The following GALNT18 variants were observed in gnomAD, a reference collection of about 807,000 sequenced individuals.
The protein encoded by GALNT18 is GalNAc-transferase 18.
Under a neutral mutation model 69.5 loss-of-function variants are expected in GALNT18, and 44 were observed. That is an observed-to-expected ratio of 0.63 (90% CI 0.50 to 0.81). The LOEUF is 0.81. GALNT18 is among the 40% of genes least tolerant of loss of function. The pLI, the probability that GALNT18 is intolerant of heterozygous loss-of-function variation, is 0.00. For synonymous variants in GALNT18, 364 were observed against 318.2 expected (o/e 1.14, Z -1.53); for missense variants, 715 against 810.0 (o/e 0.88, Z 1.42).
At chr11:11,272,212 C>T (rs1481780705) in intron 10 of GALNT18, among the ~76,000 whole-genome samples, 2 of 152,184 alleles carry the variant, frequency 1.3e-5, no homozygotes, top group African/African-American at 4.8e-5. Context: ...GTGTGAGAAA[C>T]ATGGACATTT....
At position 11,377,457 on chromosome 11, in the gene GALNT18, C is replaced by G. The variant is rs1290455071; in HGVS notation, c.780-78G>C. On this transcript the variant is annotated intron_variant, in intron 4 of 10. Transcript: ENST00000227756. The surrounding 1 kb of genome is among the most constrained non-coding windows in gnomAD (Gnocchi z 4.6). The stretch of plus-strand genomic sequence containing the variant: ...TCCAGAGTAGCATCTCCTGAAGGTC[C>G]TTCCCCAGCAGAAAGAGGAAGGAAG... 9 of 1,308,954 alleles carry G rather than the reference C, an allele frequency of 6.9e-6. No individual in the cohort carries two copies. Among genetic ancestry groups the G allele is most frequent in the African/African-American group, 4.4e-5 (3 of 68,876 alleles). The allele number at this position is 1,308,954 out of a possible 1,614,324, so 81.1% of individuals were successfully genotyped here. A position where few individuals can be genotyped will look rare whatever the true frequency, so the allele number is the denominator to read the frequency against.
Position 11,314,824 on chromosome 11 carries a change from C to T in GALNT18, c.1512+12262G>A, listed in dbSNP as rs1371028423. 2.0e-5 allele frequency among the ~76,000 whole-genome samples: 3 copies of T among 151,084 alleles called. No individual in the cohort carries two copies. Among genetic ancestry groups the T allele is most frequent in the Non-Finnish European group, 4.5e-5 (3 of 67,402 alleles). ...GGGTGGTAGCCCTCCTCTTCCCAGC[C>T]TTCGCCGTGGGAGCAGTTGCTCCTG... On this transcript the variant is annotated intron_variant, in intron 9 of 10. Transcript: ENST00000227756. The surrounding 1 kb of genome is among the most constrained non-coding windows in gnomAD (Gnocchi z 5.2).
At chr11:11,294,854 C>G (rs1849367671) in intron 9 of GALNT18, among the ~76,000 whole-genome samples, 1 of 152,182 alleles carries the variant, frequency 6.6e-6, no homozygotes. Context: ...TAACATGCTG[C>G]TACCCTCATC....
At chr11:11,498,843 T>C (rs1856919594) in intron 1 of GALNT18, among the ~76,000 whole-genome samples, 1 of 152,166 alleles carries the variant, frequency 6.6e-6, no homozygotes, top group Non-Finnish European at 1.5e-5. Context: ...TAAGAGAGAT[T>C]CTATGATGGT....
rs1206451509 is a variant in GALNT18 at position 11,436,039 on chromosome 11, T to C, written c.429-3252A>G. Among the ~76,000 whole-genome samples the C allele has an allele frequency of 1.3e-5, 2 of 152,236 alleles. No individual in the cohort carries two copies. Among genetic ancestry groups the C allele is most frequent in the African/African-American group, 4.8e-5 (2 of 41,462 alleles). ...CATCAGGAGACACCTTTCCTCAGCC[T>C]TCAGTTTCTCCACACCTGACCTAAT... is the stretch of plus-strand genomic sequence containing the variant. On this transcript the variant is annotated intron_variant, in intron 2 of 10. Coordinates refer to ENST00000227756, the MANE Select transcript of GALNT18 (RefSeq NM_198516.3). This position sits in a 1 kb window ranked among gnomAD's most constrained non-coding sequence, Gnocchi z 4.5.
intron 6 of GALNT18, among the ~76,000 whole-genome samples, chr11:11,350,706 G>A (rs1850385309): frequency 6.6e-6 from 1 of 152,176 alleles, no homozygotes; most frequent in Non-Finnish European, 1.5e-5. Context: ...GAAGGCAGGT[G>A]ACTATCCAGT....
At chr11:11,290,472 C>T (rs1271596875) in intron 10 of GALNT18, among the ~76,000 whole-genome samples, 3 of 152,170 alleles carry the variant, frequency 2.0e-5, no homozygotes, top group Non-Finnish European at 2.9e-5. Flanking sequence ...GGCCTCCAGG[C>T]CTAGCCCAGT....
chr11:11,434,047 G>T (rs1704008166), intron 2 of GALNT18, among the ~76,000 whole-genome samples: 1 of 152,084 alleles, frequency 6.6e-6, no homozygotes, highest in Admixed American at 6.6e-5. Flanking sequence ...GAATAGGAAT[G>T]GGCCTGCTCT....
At chr11:11,510,052 C>G in intron 1 of GALNT18, among the ~76,000 whole-genome samples, 1 of 152,152 alleles carries the variant, frequency 6.6e-6, no homozygotes, top group East Asian at 1.9e-4. Context: ...TCACTATGGC[C>G]CAGTGAGTAC....
rs753340024 is a variant in GALNT18, at chr11:11,356,834, T to C, written c.1092+15681A>G. ...CCATTTCTAGCTAATCACTTCATTA[T>C]GTACTTTTTAAATTGCTTTGTTCTG... On this transcript the variant is annotated intron_variant, in intron 6 of 10. Transcript: ENST00000227756. The surrounding 1 kb of genome is among the most constrained non-coding windows in gnomAD (Gnocchi z 4.4). Among the ~76,000 whole-genome samples, 18 of 152,238 alleles carry C rather than the reference T, an allele frequency of 1.2e-4. No individual in the cohort carries two copies. Among genetic ancestry groups the C allele is most frequent in the African/African-American group, 2.2e-4 (9 of 41,460 alleles).
chr11:11,455,561 T>C (rs1855906204), intron 1 of GALNT18, among the ~76,000 whole-genome samples: 1 of 152,080 alleles, frequency 6.6e-6, no homozygotes. Flanking sequence ...GAGCACTCTG[T>C]GGGGCTCAAA....
chr11:11,500,752 C>T lies in GALNT18; in HGVS notation c.236-51816G>A, dbSNP rs1856957642. On this transcript the variant is annotated intron_variant, in intron 1 of 10. Coordinates refer to ENST00000227756, the MANE Select transcript of GALNT18 (RefSeq NM_198516.3). This position sits in a 1 kb window ranked among gnomAD's most constrained non-coding sequence, Gnocchi z 5.0. The stretch of plus-strand genomic sequence containing the variant: ...CTTCTCTTTATGGATAGTGAATTGC[C>T]TCAGGTAAGGAGTCAAGGATCTCCT... 6.6e-6 allele frequency among the ~76,000 whole-genome samples: 1 copy of T among 152,226 alleles called. No individual in the cohort carries two copies. The highest frequency in any genetic ancestry group is 1.5e-5 in the Non-Finnish European group (1 of 68,036).
chr11:11,517,614 G>C (rs1465472672), intron 1 of GALNT18, among the ~76,000 whole-genome samples: 3 of 152,108 alleles, frequency 2.0e-5, no homozygotes, highest in Non-Finnish European at 2.9e-5. Context: ...GATCTGGCCT[G>C]TTCTAAATAA....
At position 11,543,349 on chromosome 11, in the gene GALNT18, G is replaced by T. The variant is rs902012178; in HGVS notation, c.235+78010C>A. 1.3e-5 allele frequency among the ~76,000 whole-genome samples: 2 copies of T among 152,220 alleles called. No homozygotes were observed. The highest frequency in any genetic ancestry group is 4.8e-5 in the African/African-American group (2 of 41,454). ...CATTCTCTCATGGCAGGAATCCTTA[G>T]TAGGCCACCTCAGCTGGAGTGACAG... On this transcript the variant is annotated intron_variant, in intron 1 of 10. Transcript: ENST00000227756. This position sits in a 1 kb window ranked among gnomAD's most constrained non-coding sequence, Gnocchi z 5.1.
Position 11,341,091 on chromosome 11 carries a change from G to T in GALNT18, c.1093-87C>A. On this transcript the variant is annotated intron_variant, in intron 6 of 10. Coordinates refer to ENST00000227756, the MANE Select transcript of GALNT18 (RefSeq NM_198516.3). The surrounding 1 kb of genome is among the most constrained non-coding windows in gnomAD (Gnocchi z 6.3). ...TCAGGCAGCCACTTGACATGAGCAG[G>T]AAGAAAGTCAGCCCCTTCACCTTGA... is the stretch of plus-strand genomic sequence containing the variant. 7.5e-7 allele frequency: 1 copy of T among 1,326,632 alleles called. No individual in the cohort carries two copies. Among genetic ancestry groups the T allele is most frequent in the Non-Finnish European group, 1.0e-6 (1 of 967,634 alleles). 82.2% of individuals were successfully genotyped at this position (1,326,632 alleles called of 1,614,324 possible).
intron 6 of GALNT18, among the ~76,000 whole-genome samples, chr11:11,369,286 T>C (rs560348822): frequency 6.6e-6 from 1 of 152,314 alleles, no homozygotes; most frequent in Non-Finnish European, 1.5e-5. Flanking sequence ...AATCAACATA[T>C]TGACTGGGCT....
chr11:11,559,361 T>C (rs1380926825), intron 1 of GALNT18, among the ~76,000 whole-genome samples: 1 of 152,232 alleles, frequency 6.6e-6, no homozygotes, highest in African/African-American at 2.4e-5. Context: ...CTCCATCTAC[T>C]GTTTCCATCA....
At chr11:11,539,649 G>A (rs1857866418) in intron 1 of GALNT18, among the ~76,000 whole-genome samples, 1 of 152,174 alleles carries the variant, frequency 6.6e-6, no homozygotes, top group Non-Finnish European at 1.5e-5. Flanking sequence ...CACTTGGGAG[G>A]CTGCGGAGGG....
intron 3 of GALNT18, among the ~76,000 whole-genome samples, chr11:11,410,301 T>C (rs1364748347): frequency 6.6e-6 from 1 of 151,980 alleles, no homozygotes; most frequent in Non-Finnish European, 1.5e-5. Context: ...TCTACACTCA[T>C]CTCTTGATGA....
Sources: allele counts gnomAD v4.1 joint callset (sites outside exome capture counted in the v4.1 genomes callset), GRCh38; gene constraint gnomAD v4.1.1; non-coding constraint Gnocchi (gnomAD v3.1); transcripts MANE v1.5; gene names NCBI Gene and HGNC (gene_info 2026-07-23, HGNC 2026-07-21).